SCGB1D2: variants seen among roughly 807,000 people sequenced by gnomAD.
SCGB1D2 encodes lipophilin-B.
Under a neutral mutation model 10.5 loss-of-function variants are expected in SCGB1D2, and 10 were observed. The observed-to-expected ratio is 0.95, with a 90% CI of 0.59 to 1.61. SCGB1D2 has a LOEUF of 1.61. Ranked by LOEUF, SCGB1D2 falls within the 40% of genes most tolerant of loss-of-function variation. The probability of loss-of-function intolerance (pLI) is 0.00; values close to 1 mark genes in which losing one functional copy is unlikely to be tolerated. For missense variants in SCGB1D2, 113 were observed against 103.8 expected (o/e 1.09, Z -0.38); for synonymous variants, 42 against 42.8 (o/e 0.98, Z 0.08).
chr11:62,243,169 C>T, intron 1 of SCGB1D2, 120 bp from the exon 2 acceptor site: 1 of 730,104 alleles, frequency 1.4e-6, no homozygotes, highest in Admixed American at 2.7e-5. Flanking sequence ...GCATTGTCAT[C>T]AGCACAACAA....
At chr11:62,244,045 A>C (rs1394460935) in intron 2 of SCGB1D2, among the ~76,000 whole-genome samples, 2 of 152,110 alleles carry the variant, frequency 1.3e-5, no homozygotes, top group Non-Finnish European at 2.9e-5. Context: ...GACCATGGCC[A>C]GTCGTCCAAG....
chr11:62,244,617 C>T (rs1290615531), intron 2 of SCGB1D2, 53 bp from the exon 3 acceptor site: 1 of 1,553,938 alleles, frequency 6.4e-7, no homozygotes, highest in East Asian at 2.2e-5. Context: ...GAGCCTGTCA[C>T]CTCCAGCAGC....
rs2232952 is a variant in SCGB1D2 at position 62,243,577 on chromosome 11, C to T, written c.243+101C>T. On this transcript the variant is annotated intron_variant, in intron 2 of 2. Transcript: ENST00000244926. ...GTTGGGGACACAGGTGGTGGGGCAGCTGCCTTGCTGGTCACCTCTTGAGAA... is the reference window on the plus strand; with the variant it reads ...GTTGGGGACACAGGTGGTGGGGCAGTTGCCTTGCTGGTCACCTCTTGAGAA... 1,775 of 1,023,862 alleles carry T rather than the reference C, an allele frequency of 1.7e-3. 20 individuals are homozygous for T. The African/African-American group carries it at 0.025, about 15-fold the overall frequency. 63.4% of individuals were successfully genotyped at this position (1,023,862 alleles called of 1,614,324 possible).
Position 62,243,053 on chromosome 11 carries a change from C to T in SCGB1D2, c.56-236C>T, listed in dbSNP as rs551200838. ...GCTGCAGTGAGCCATGATTGAGCTA[C>T]TGAATTCCAGCCTGGGTGACAAAGG... On this transcript the variant is annotated intron_variant, in intron 1 of 2. Coordinates refer to ENST00000244926, the MANE Select transcript of SCGB1D2 (RefSeq NM_006551.4). Among the ~76,000 whole-genome samples, 12 of 152,244 alleles carry T rather than the reference C, an allele frequency of 7.9e-5. No individual in the cohort carries two copies. The South Asian group carries it at 2.5e-3, about 32-fold the overall frequency.
chr11:62,244,044 C>T (rs1945088099), intron 2 of SCGB1D2, among the ~76,000 whole-genome samples: 1 of 152,152 alleles, frequency 6.6e-6, no homozygotes, highest in Non-Finnish European at 1.5e-5. Flanking sequence ...TGACCATGGC[C>T]AGTCGTCCAA....
At chr11:62,243,163 T>C (rs535562257) in intron 1 of SCGB1D2, 126 bp from the exon 2 acceptor site, 3 of 689,386 alleles carry the variant, frequency 4.4e-6, no homozygotes, top group African/African-American at 1.8e-5. Flanking sequence ...GGTCTGGCAT[T>C]GTCATCAGCA....
At chr11:62,243,033 A>AGT (rs956461801) in intron 1 of SCGB1D2, among the ~76,000 whole-genome samples, 8 of 152,232 alleles carry the variant, frequency 5.3e-5, no homozygotes, top group African/African-American at 1.9e-4. Flanking sequence ...TAGAGGCTGC[A>AGT]GTGAGCCATG....
Position 62,243,304 on chromosome 11 carries a change from G to T in SCGB1D2, c.71G>T (p.Cys24Phe), listed in dbSNP as rs1304365168. The T allele has an allele frequency of 6.2e-7, 1 of 1,613,160 alleles. No individual in the cohort carries two copies. Among genetic ancestry groups the T allele is most frequent in the South Asian group, 1.1e-5 (1 of 90,970 alleles). The change falls in exon 2 of 3, where the codon TGC becomes TTC. Residue 24 changes from cysteine to phenylalanine, a missense_variant. By Grantham distance (205) the Cys-to-Phe change is radical. Transcript: ENST00000244926. ...TTTGCTGCAGCCAATGCCGAGTTCT[G>T]CCCAGCTCTTGTTTCTGAGCTGTTA... ...LCCYQANAEF[C>F]PALVSELLDF...
chr11:62,242,320 G>A lies in SCGB1D2; in HGVS notation c.13G>A (p.Val5Met). 6.2e-7 allele frequency: 1 copy of A among 1,614,126 alleles called. No individual in the cohort carries two copies. Among genetic ancestry groups the A allele is most frequent in the Non-Finnish European group, 8.5e-7 (1 of 1,179,998 alleles). Residue 5 changes from valine to methionine, a missense_variant, in exon 1 of 3, where the codon GTG becomes ATG. Physicochemically the swap from Val to Met is conservative, Grantham distance 21 (BLOSUM62 1). Coordinates refer to ENST00000244926, the MANE Select transcript of SCGB1D2 (RefSeq NM_006551.4). ...AAAACAAGCCACCATGAAGCTGTCGGTGTGTCTCCTGCTGGTCACGCTGGC... is the reference window on the plus strand; with the variant it reads ...AAAACAAGCCACCATGAAGCTGTCGATGTGTCTCCTGCTGGTCACGCTGGC... MKLS[V>M]CLLLVTLALC...
intron 1 of SCGB1D2, among the ~76,000 whole-genome samples, 195 bp from the exon 2 acceptor site, chr11:62,243,094 G>A (rs1256393485): frequency 6.6e-6 from 1 of 152,112 alleles, no homozygotes; most frequent in African/African-American, 2.4e-5. Flanking sequence ...AAAAGAGTTT[G>A]GCTGTTGATA....
chr11:62,244,528 C>T (rs999754457), intron 2 of SCGB1D2, 142 bp from the exon 3 acceptor site: 1 of 711,612 alleles, frequency 1.4e-6, no homozygotes, highest in Non-Finnish European at 2.4e-6. Context: ...AGGTCTAGGC[C>T]TCAGTTTCCC....
At position 62,242,999 on chromosome 11, in the gene SCGB1D2, G is replaced by A. The variant is rs1483280383; in HGVS notation, c.56-290G>A. Among the ~76,000 whole-genome samples the A allele has an allele frequency of 2.0e-5, 3 of 152,208 alleles. No homozygotes were observed. The South Asian group carries it at 6.2e-4, about 31-fold the overall frequency. On this transcript the variant is annotated intron_variant, in intron 1 of 2. Coordinates refer to ENST00000244926, the MANE Select transcript of SCGB1D2 (RefSeq NM_006551.4). ...CTCAGCTACTTAGGGGGCTGAGATG[G>A]GGATATCGCTTGAGCCCAGGAGGTA...
intron 2 of SCGB1D2, 27 bp downstream of exon 2, chr11:62,243,503 A>T: frequency 6.3e-7 from 1 of 1,592,468 alleles, no homozygotes; most frequent in South Asian, 1.1e-5. Flanking sequence ...TTATTTGTTA[A>T]GGCTTCTGGT....
At chr11:62,242,610 G>T (rs545872221) in intron 1 of SCGB1D2, among the ~76,000 whole-genome samples, 11 of 152,254 alleles carry the variant, frequency 7.2e-5, no homozygotes, top group African/African-American at 2.6e-4. Flanking sequence ...TTCACTCCTG[G>T]GTGGGATCTG....
chr11:62,243,247 G>T, intron 1 of SCGB1D2, 42 bp from the exon 2 acceptor site: 2 of 1,559,432 alleles, frequency 1.3e-6, no homozygotes, highest in South Asian at 2.3e-5. Context: ...GAGAAAAATC[G>T]ACTTTCCTAA....
rs2276428 is a variant in SCGB1D2 at position 62,243,556 on chromosome 11, G to A, written c.243+80G>A. On this transcript the variant is annotated intron_variant, in intron 2 of 2. Transcript: ENST00000244926. ...GTGAGGTCAGCTTGCTGCTCTGTTG[G>A]GGACACAGGTGGTGGGGCAGCTGCC... 5.2e-4 allele frequency: 652 copies of A among 1,255,182 alleles called. 2 individuals are homozygous for A. Among genetic ancestry groups the A allele is most frequent in the East Asian group, 4.1e-3 (172 of 42,352 alleles). 77.8% of individuals were successfully genotyped at this position (1,255,182 alleles called of 1,614,324 possible).
chr11:62,243,585 C>A, intron 2 of SCGB1D2, 109 bp downstream of exon 2: 1 of 941,584 alleles, frequency 1.1e-6, no homozygotes, highest in Non-Finnish European at 1.6e-6. Context: ...AGCTGCCTTG[C>A]TGGTCACCTC....
chr11:62,243,565 G>T, intron 2 of SCGB1D2, 89 bp downstream of exon 2: 2 of 1,158,076 alleles, frequency 1.7e-6, no homozygotes, highest in Non-Finnish European at 1.2e-6. Context: ...GGGGACACAG[G>T]TGGTGGGGCA....
At position 62,242,430 on chromosome 11, in the gene SCGB1D2, C is replaced by G. The variant is rs1335095368; in HGVS notation, c.55+68C>G. The G allele has an allele frequency of 1.0e-5, 16 of 1,528,996 alleles. No individual in the cohort carries two copies. The East Asian group carries it at 2.7e-4, about 26-fold the overall frequency. The allele number at this position is 1,528,996 out of a possible 1,614,324, so 94.7% of individuals were successfully genotyped here. A position where few individuals can be genotyped will look rare whatever the true frequency, so the allele number is the denominator to read the frequency against. ...CACCCTCTTCCAAGCACGAGGTCAC[C>G]TATTCAGGCTGGGGTTAGGATCTGC... On this transcript the variant is annotated intron_variant, in intron 1 of 2. Coordinates refer to ENST00000244926, the MANE Select transcript of SCGB1D2 (RefSeq NM_006551.4).
Sources: gnomAD v4.1 joint callset for allele counts (sites outside exome capture counted in the v4.1 genomes callset) on GRCh38, gnomAD v4.1.1 for gene constraint, MANE v1.5 for transcripts, NCBI Gene and HGNC (gene_info 2026-07-23, HGNC 2026-07-21) for gene names.